PTPRN2: variants seen among roughly 807,000 people sequenced by gnomAD.
PTPRN2 encodes receptor-type tyrosine-protein phosphatase N2.
A neutral mutation model predicts 118.8 loss-of-function variants in PTPRN2; 74 were observed. The observed-to-expected ratio is 0.62, with a 90% confidence interval of 0.52 to 0.76. PTPRN2 has a LOEUF of 0.76. PTPRN2 is among the 30% of genes least tolerant of loss of function. PTPRN2 has a pLI of 0.00. For synonymous variants in PTPRN2, 641 were observed against 608.0 expected, an observed-to-expected ratio of 1.05 and a Z score of -0.80; for missense variants, 1,481 against 1,394.4, an observed-to-expected ratio of 1.06 and a Z score of -0.99.
chr7:158,192,961 C>A (rs950422917), intron 4 of PTPRN2, among the ~76,000 whole-genome samples: 9 of 152,188 alleles, frequency 5.9e-5, no homozygotes, highest in Non-Finnish European at 1.0e-4. Context: ...AGGCAGGAAC[C>A]AGGTTCTCGC....
chr7:158,556,248 T>G (rs1412467606), intron 1 of PTPRN2, among the ~76,000 whole-genome samples: 53 of 152,120 alleles, frequency 3.5e-4, no homozygotes, highest in Non-Finnish European at 8.8e-5. Context: ...TAGAGATGAT[T>G]GATACGTAAA....
intron 1 of PTPRN2, among the ~76,000 whole-genome samples, chr7:158,573,557 C>A (rs1828159050): frequency 6.6e-6 from 1 of 152,140 alleles, no homozygotes; most frequent in African/African-American, 2.4e-5. Flanking sequence ...AATCAACCAA[C>A]CAAGAGCTCG....
chr7:158,226,673 C>CTT (rs757950532), intron 3 of PTPRN2, among the ~76,000 whole-genome samples: 5 of 106,366 alleles, frequency 4.7e-5, no homozygotes, highest in Admixed American at 9.0e-5. Flanking sequence ...CAGCGCTTCC[C>CTT]TTTTTTTTTT....
At chr7:157,891,316 CA>C (rs1796787213) in intron 12 of PTPRN2, among the ~76,000 whole-genome samples, 2 of 152,110 alleles carry the variant, frequency 1.3e-5, no homozygotes, top group East Asian at 1.9e-4. Context: ...GGGTGGAAGT[CA>C]GGGGGAAATG....
chr7:157,907,117 G>A (rs1327386922), intron 11 of PTPRN2, among the ~76,000 whole-genome samples: 5 of 152,210 alleles, frequency 3.3e-5, no homozygotes, highest in Non-Finnish European at 5.9e-5. Context: ...CCAAGGGGGC[G>A]GGAAGATGAA....
intron 9 of PTPRN2, among the ~76,000 whole-genome samples, chr7:158,114,708 C>T (rs532975244): frequency 1.8e-4 from 27 of 152,292 alleles, no homozygotes; most frequent in African/African-American, 5.3e-4. Flanking sequence ...CCACCGGCCA[C>T]GGCCCTGGGG....
At chr7:157,555,882 G>T (rs1798850926) in intron 21 of PTPRN2, among the ~76,000 whole-genome samples, 2 of 152,228 alleles carry the variant, frequency 1.3e-5, no homozygotes, top group Non-Finnish European at 2.9e-5. Flanking sequence ...AAGTGGAACA[G>T]TTCCCGTGCC....
intron 11 of PTPRN2, among the ~76,000 whole-genome samples, chr7:157,960,535 T>C (rs1801457604): frequency 6.6e-6 from 1 of 152,184 alleles, no homozygotes; most frequent in Non-Finnish European, 1.5e-5. Context: ...ATTCTTTCCA[T>C]TTAAAAAATG....
chr7:157,682,249 G>T (rs1254231767), intron 13 of PTPRN2, among the ~76,000 whole-genome samples: 1 of 152,100 alleles, frequency 6.6e-6, no homozygotes, highest in South Asian at 2.1e-4. Flanking sequence ...ACCTTCCCCT[G>T]GTCAGCGTTA....
chr7:158,556,802 C>T (rs1178965356), intron 1 of PTPRN2, among the ~76,000 whole-genome samples: 42 of 145,690 alleles, frequency 2.9e-4, no homozygotes, highest in African/African-American at 1.1e-3. Context: ...GGTCAGGCGG[C>T]TCCCGCGCAG....
At chr7:158,042,053 G>T (rs1453104983) in intron 11 of PTPRN2, among the ~76,000 whole-genome samples, 1 of 152,160 alleles carries the variant, frequency 6.6e-6, no homozygotes, top group Non-Finnish European at 1.5e-5. Context: ...TCACAAGAAC[G>T]ATCACAGGCC....
intron 11 of PTPRN2, among the ~76,000 whole-genome samples, chr7:158,079,859 A>T (rs1812660498): frequency 6.6e-6 from 1 of 152,190 alleles, no homozygotes; most frequent in African/African-American, 2.4e-5. Flanking sequence ...GCCCAGCTGG[A>T]GTGAGGATGC....
intron 12 of PTPRN2, among the ~76,000 whole-genome samples, chr7:157,776,260 T>TCCTCC (rs1803227231): frequency 7.7e-6 from 1 of 130,678 alleles, no homozygotes; most frequent in African/African-American, 3.0e-5. Context: ...CCTCTCCTCC[T>TCCTCC]CCCTCCTCTT....
chr7:158,048,417 CT>C (rs915876608), intron 11 of PTPRN2, among the ~76,000 whole-genome samples: 2 of 152,116 alleles, frequency 1.3e-5, no homozygotes, highest in Non-Finnish European at 2.9e-5. Flanking sequence ...GGGAACATGA[CT>C]TGACTCTGAA....
At chr7:158,305,408 G>A (rs1188378516) in intron 3 of PTPRN2, among the ~76,000 whole-genome samples, 2 of 152,154 alleles carry the variant, frequency 1.3e-5, no homozygotes, top group Non-Finnish European at 2.9e-5. Flanking sequence ...GGGAGACAGT[G>A]GTGGAGGGAG....
chr7:158,224,902 G>T (rs2150804347), intron 3 of PTPRN2, among the ~76,000 whole-genome samples: 1 of 152,134 alleles, frequency 6.6e-6, no homozygotes, highest in East Asian at 1.9e-4. Context: ...TTAGAAAAAG[G>T]GTGAGAGATG....
intron 12 of PTPRN2, among the ~76,000 whole-genome samples, chr7:157,888,968 G>A (rs1324712186): frequency 6.6e-6 from 1 of 152,190 alleles, no homozygotes; most frequent in South Asian, 2.1e-4. Flanking sequence ...GTAACCACCA[G>A]GGGAAAACCT....
chr7:158,176,191 AG>A (rs1388658347), intron 5 of PTPRN2, among the ~76,000 whole-genome samples: 4 of 152,202 alleles, frequency 2.6e-5, no homozygotes, highest in Non-Finnish European at 5.9e-5. Flanking sequence ...GCATGATTAA[AG>A]CAGCGAGTTC....
intron 21 of PTPRN2, among the ~76,000 whole-genome samples, chr7:157,557,304 C>T (rs1007663004): frequency 6.6e-6 from 1 of 151,490 alleles, no homozygotes; most frequent in African/African-American, 2.4e-5. Context: ...AACACCCACA[C>T]TTCACACTCT....
Sources: gnomAD v4.1 joint callset for allele counts (sites outside exome capture counted in the v4.1 genomes callset) on GRCh38, gnomAD v4.1.1 for gene constraint, MANE v1.5 for transcripts, NCBI Gene and HGNC (gene_info 2026-07-23, HGNC 2026-07-21) for gene names.